Variants in DHRS4 observed in about 807,000 individuals in gnomAD.
The protein encoded by DHRS4 is dehydrogenase/reductase 4.
Under a neutral mutation model 28.4 loss-of-function variants are expected in DHRS4, and 20 were observed. The observed-to-expected ratio is 0.71, with a 90% confidence interval of 0.50 to 1.02. DHRS4 has a LOEUF of 1.02. Among genes scored for constraint, DHRS4 ranks in the 50% least tolerant of loss-of-function variants. DHRS4 has a pLI of 0.00. For synonymous variants in DHRS4, 144 were observed against 146.4 expected (o/e 0.98, Z 0.12); for missense variants, 378 against 367.2 (o/e 1.03, Z -0.24).
chr14:23,953,878 C>G lies in DHRS4; in HGVS notation c.90C>G (p.Leu30=), dbSNP rs540450269. 9.9e-5 allele frequency: 160 copies of G among 1,611,208 alleles called. No homozygotes were observed. In the African/African-American group the frequency reaches 2.0e-3, roughly 20 times the overall value. The change falls in exon 1 of 8, where the codon CTC becomes CTG. Residue 30 remains leucine, a synonymous_variant. Transcript: ENST00000313250. ...CCGGGATGACCCGCCGGGACCCGCTCGCAAATAAGGTGGCCCTGGTAACGG... is the reference window on the plus strand; with the variant it reads ...CCGGGATGACCCGCCGGGACCCGCTGGCAAATAAGGTGGCCCTGGTAACGG... ...ASSGMTRRDP[L]ANKVALVTAS...
chr14:23,956,133 A>G (rs1254174283), intron 2 of DHRS4, among the ~76,000 whole-genome samples: 1 of 152,230 alleles, frequency 6.6e-6, no homozygotes, highest in Non-Finnish European at 1.5e-5. Flanking sequence ...CAAATGCTCA[A>G]ATGTGCATTG....
At chr14:23,954,372 T>C (rs577254867) in intron 1 of DHRS4, among the ~76,000 whole-genome samples, 2 of 152,230 alleles carry the variant, frequency 1.3e-5, no homozygotes, top group Middle Eastern at 3.4e-3. Context: ...ACCAGAGCCA[T>C]ATGTCGAGAT....
At chr14:23,961,784 A>T (rs1354282595) in intron 3 of DHRS4, among the ~76,000 whole-genome samples, 1 of 119,074 alleles carries the variant, frequency 8.4e-6, no homozygotes, top group Non-Finnish European at 1.6e-5. Context: ...AAATATTGGG[A>T]TTGCAGGCAT....
chr14:23,958,749 T>G (rs2033276920), intron 2 of DHRS4, among the ~76,000 whole-genome samples: 1 of 152,190 alleles, frequency 6.6e-6, no homozygotes. Flanking sequence ...AGAGGGCTCT[T>G]ATGAATTAGC....
At position 23,956,776 on chromosome 14, in the gene DHRS4, G is replaced by C. The variant is rs192213511; in HGVS notation, c.306+1564G>C. ...CCACCACCACGTCCAGCTAATTTTT[G>C]TATTTTTGGTAGAGACAGGGTTTCA... On this transcript the variant is annotated intron_variant, in intron 2 of 7. Transcript: ENST00000313250. Among the ~76,000 whole-genome samples the C allele has an allele frequency of 3.0e-4, 45 of 152,054 alleles. 1 individual carries two copies. The highest frequency in any genetic ancestry group is 1.6e-4 in the Non-Finnish European group (11 of 67,976).
At chr14:23,957,775 TC>T (rs2033235902) in intron 2 of DHRS4, among the ~76,000 whole-genome samples, 1 of 149,196 alleles carries the variant, frequency 6.7e-6, no homozygotes, top group South Asian at 2.2e-4. Flanking sequence ...TGTTTTGAAC[TC>T]CTGGCCTCAA....
Position 23,965,872 on chromosome 14 carries a change from C to G in DHRS4, c.479+40C>G. 1.9e-6 allele frequency: 3 copies of G among 1,606,646 alleles called. 1 individual carries two copies. The South Asian group carries it at 3.3e-5, about 18-fold the overall frequency. On this transcript the variant is annotated intron_variant, in intron 4 of 7. Transcript: ENST00000313250. Reference sequence around the variant, plus strand: ...AGAGAGCCTGGGTGAGAGGGGACACCACACGGGCTGAGGGCACTGGTCCAC... The same window carrying G: ...AGAGAGCCTGGGTGAGAGGGGACACGACACGGGCTGAGGGCACTGGTCCAC...
chr14:23,960,369 T>A (rs1315889460), intron 3 of DHRS4, among the ~76,000 whole-genome samples: 7 of 152,066 alleles, frequency 4.6e-5, no homozygotes, highest in African/African-American at 1.7e-4. Flanking sequence ...ACCTGTCCCC[T>A]TTTCAGCTGA....
chr14:23,966,477 A>G, intron 6 of DHRS4, 60 bp downstream of exon 6: 1 of 1,603,870 alleles, frequency 6.2e-7, no homozygotes, highest in Non-Finnish European at 8.5e-7. Context: ...ATCTTCTTGG[A>G]CAGGGAAGCC....
Position 23,953,972 on chromosome 14 carries a change from C to A in DHRS4, c.128+56C>A. The A allele has an allele frequency of 3.2e-6, 5 of 1,546,068 alleles. No homozygotes were observed. In the South Asian group the frequency reaches 5.9e-5, roughly 18 times the overall value. On this transcript the variant is annotated intron_variant, in intron 1 of 7. Transcript: ENST00000313250. ...CTGGCTGCCTGGAAACAGGCACTGGCCTCTCATCCTCGGCCTCCGGTGCCC... is the reference window on the plus strand; with the variant it reads ...CTGGCTGCCTGGAAACAGGCACTGGACTCTCATCCTCGGCCTCCGGTGCCC...
chr14:23,964,246 A>C (rs1253224050), intron 3 of DHRS4, among the ~76,000 whole-genome samples: 5 of 140,858 alleles, frequency 3.5e-5, no homozygotes, highest in Non-Finnish European at 6.1e-5. Flanking sequence ...AAAAAAAAAA[A>C]AAAAAAAACA....
intron 2 of DHRS4, among the ~76,000 whole-genome samples, chr14:23,957,553 T>C (rs1223041482): frequency 7.4e-6 from 1 of 134,718 alleles, no homozygotes; most frequent in East Asian, 2.0e-4. Context: ...CTTAGAAGAC[T>C]TTCCTTTTTT....
intron 7 of DHRS4, among the ~76,000 whole-genome samples, chr14:23,968,276 G>C (rs1356313664): frequency 6.7e-6 from 1 of 149,538 alleles, no homozygotes; most frequent in African/African-American, 2.5e-5. Flanking sequence ...GATAAAATAA[G>C]AATTAGCACA....
intron 1 of DHRS4, among the ~76,000 whole-genome samples, chr14:23,954,719 T>C (rs2033024484): frequency 6.6e-6 from 1 of 152,218 alleles, no homozygotes; most frequent in African/African-American, 2.4e-5. Flanking sequence ...CGGAAGTGGC[T>C]GCTGCTGCAA....
At chr14:23,965,579 C>T (rs2033583681) in intron 3 of DHRS4, among the ~76,000 whole-genome samples, 183 bp from the exon 4 acceptor site, 1 of 147,852 alleles carries the variant, frequency 6.8e-6, no homozygotes, top group East Asian at 2.1e-4. Context: ...TCTAGCTGAG[C>T]AGCTGGTGAG....
At chr14:23,955,411 T>G (rs1482459496) in intron 2 of DHRS4, among the ~76,000 whole-genome samples, 199 bp downstream of exon 2, 3 of 152,106 alleles carry the variant, frequency 2.0e-5, no homozygotes, top group Admixed American at 2.0e-4. Context: ...CATCATCCCT[T>G]GAGTACCCCA....
intron 3 of DHRS4, among the ~76,000 whole-genome samples, chr14:23,964,733 C>T (rs1292582060): frequency 7.5e-6 from 1 of 133,640 alleles, no homozygotes; most frequent in African/African-American, 2.7e-5. Flanking sequence ...CATGCCACCA[C>T]GTCTGGCTAA....
chr14:23,958,117 G>C (rs1396622892), intron 2 of DHRS4, among the ~76,000 whole-genome samples: 1 of 151,940 alleles, frequency 6.6e-6, no homozygotes, highest in Middle Eastern at 3.2e-3. Context: ...CAGGTGACTT[G>C]GCTTTGTGCC....
intron 3 of DHRS4, among the ~76,000 whole-genome samples, chr14:23,964,414 G>T (rs2033542619): frequency 6.9e-6 from 1 of 144,434 alleles, no homozygotes; most frequent in Admixed American, 7.1e-5. Flanking sequence ...GGGGATAATT[G>T]AGGCCAATAT....
Sources: gnomAD v4.1 joint callset for allele counts (sites outside exome capture counted in the v4.1 genomes callset) on GRCh38, gnomAD v4.1.1 for gene constraint, MANE v1.5 for transcripts, NCBI Gene and HGNC (gene_info 2026-07-23, HGNC 2026-07-21) for gene names.